SLC4A4: variants seen among roughly 807,000 people sequenced by gnomAD.
SLC4A4 encodes electrogenic sodium bicarbonate cotransporter 1.
SLC4A4 carries 27 observed loss-of-function variants against 111.5 expected under a neutral mutation model. The observed-to-expected ratio is 0.24, with a 90% CI of 0.18 to 0.33. SLC4A4 has a LOEUF of 0.33. Ranked by LOEUF, SLC4A4 falls within the 10% of genes least tolerant of loss-of-function variation. SLC4A4 has a pLI of 1.00. For synonymous variants in SLC4A4, 443 were observed against 463.4 expected (o/e 0.96, Z 0.57); for missense variants, 909 against 1,315.5 (o/e 0.69, Z 4.78).
chr4:71,440,052 T>G (rs972250569), intron 7 of SLC4A4, among the ~76,000 whole-genome samples: 5 of 152,068 alleles, frequency 3.3e-5, no homozygotes, highest in Non-Finnish European at 7.4e-5. Flanking sequence ...AGAATGTTCT[T>G]TCCTCCAATT....
intron 2 of SLC4A4, among the ~76,000 whole-genome samples, chr4:71,177,387 T>C (rs1192008977): frequency 2.0e-5 from 3 of 152,032 alleles, no homozygotes; most frequent in Non-Finnish European, 4.4e-5. Context: ...GACTGGCAAA[T>C]TGGATAAAGA....
intron 16 of SLC4A4, among the ~76,000 whole-genome samples, chr4:71,499,240 C>T (rs1730688311): frequency 6.6e-6 from 1 of 152,044 alleles, no homozygotes; most frequent in Non-Finnish European, 1.5e-5. Context: ...TTGTGAAGCA[C>T]TTATAAGTCA....
intron 2 of SLC4A4, among the ~76,000 whole-genome samples, chr4:71,174,218 GT>G (rs1273631048): frequency 6.7e-6 from 1 of 149,794 alleles, no homozygotes; most frequent in African/African-American, 2.5e-5. Context: ...AAAAGAGATT[GT>G]CCTCACTCAA....
intron 2 of SLC4A4, among the ~76,000 whole-genome samples, chr4:71,144,701 T>C (rs1256192287): frequency 6.6e-6 from 1 of 151,908 alleles, no homozygotes; most frequent in African/African-American, 2.4e-5. Flanking sequence ...TTTATTCTCT[T>C]TGAAGCAATT....
At chr4:71,362,415 T>C (rs560385290) in intron 6 of SLC4A4, among the ~76,000 whole-genome samples, 30 of 152,350 alleles carry the variant, frequency 2.0e-4, no homozygotes, top group African/African-American at 7.0e-4. Flanking sequence ...AAGAAATGTA[T>C]AAAATGTTTA....
intron 3 of SLC4A4, among the ~76,000 whole-genome samples, chr4:71,292,965 C>T (rs1374725121): frequency 1.3e-5 from 2 of 150,390 alleles, no homozygotes; most frequent in African/African-American, 2.4e-5. Flanking sequence ...CCTCAGCCTC[C>T]CAAGTAGCTG....
chr4:71,156,225 T>C (rs1744458719), intron 2 of SLC4A4, among the ~76,000 whole-genome samples: 1 of 152,216 alleles, frequency 6.6e-6, no homozygotes, highest in African/African-American at 2.4e-5. Context: ...ATACCCTGTA[T>C]TGCTCATGCA....
At chr4:71,212,560 C>T (rs1718196322) in intron 1 of SLC4A4, among the ~76,000 whole-genome samples, 1 of 152,134 alleles carries the variant, frequency 6.6e-6, no homozygotes, top group South Asian at 2.1e-4. Context: ...AGGACAGAGG[C>T]ACAATGGGGT....
chr4:71,099,619 C>T (rs1204701760), intron 2 of SLC4A4, among the ~76,000 whole-genome samples: 1 of 151,730 alleles, frequency 6.6e-6, no homozygotes, highest in African/African-American at 2.4e-5. Context: ...AATTGAGACA[C>T]AAAAAACCAT....
At chr4:71,305,752 A>G (rs1266215691) in intron 3 of SLC4A4, among the ~76,000 whole-genome samples, 1 of 152,232 alleles carries the variant, frequency 6.6e-6, no homozygotes, top group African/African-American at 2.4e-5. Context: ...CGAGGAATCT[A>G]GGAACTGGAA....
At chr4:71,550,630 G>A (rs1735905775) in intron 20 of SLC4A4, among the ~76,000 whole-genome samples, 1 of 151,770 alleles carries the variant, frequency 6.6e-6, no homozygotes, top group Admixed American at 6.6e-5. Flanking sequence ...GTCTTTGAAA[G>A]GGCAGATCAA....
chr4:71,245,387 T>TGTGG (rs1720580611), intron 2 of SLC4A4, among the ~76,000 whole-genome samples: 1 of 152,034 alleles, frequency 6.6e-6, no homozygotes, highest in South Asian at 2.1e-4. Context: ...AAGACAGAAG[T>TGTGG]GTGGGGGCTG....
intron 2 of SLC4A4, among the ~76,000 whole-genome samples, chr4:71,244,798 T>A (rs1720522171): frequency 6.7e-6 from 1 of 150,066 alleles, no homozygotes; most frequent in South Asian, 2.1e-4. Flanking sequence ...TTTAAGCCGA[T>A]CAAAATGGTA....
chr4:71,073,557 C>T (rs1741724679), intron 1 of SLC4A4, among the ~76,000 whole-genome samples: 1 of 152,108 alleles, frequency 6.6e-6, no homozygotes, highest in Admixed American at 6.5e-5. Flanking sequence ...ACAACCCCCA[C>T]CTCTCCACCT....
intron 2 of SLC4A4, among the ~76,000 whole-genome samples, chr4:71,154,914 G>GA (rs1578531406): frequency 6.6e-6 from 1 of 151,902 alleles, no homozygotes; most frequent in Non-Finnish European, 1.5e-5. Context: ...ATTTAAAAAT[G>GA]AAAAAAAGAA....
intron 1 of SLC4A4, among the ~76,000 whole-genome samples, chr4:71,075,705 C>T (rs1280328104): frequency 2.0e-5 from 3 of 152,256 alleles, no homozygotes; most frequent in Admixed American, 6.5e-5. Flanking sequence ...CGCGGTGGCT[C>T]ACGCCTGTAA....
intron 2 of SLC4A4, among the ~76,000 whole-genome samples, chr4:71,154,625 G>C (rs544330149): frequency 6.6e-6 from 1 of 152,210 alleles, no homozygotes; most frequent in East Asian, 1.9e-4. Flanking sequence ...GTTGGTGTTG[G>C]TTTAAAGTAA....
At chr4:71,171,685 A>C (rs774557652) in intron 2 of SLC4A4, among the ~76,000 whole-genome samples, 8 of 152,212 alleles carry the variant, frequency 5.3e-5, no homozygotes, top group Non-Finnish European at 1.5e-5. Context: ...GCAGTTTATT[A>C]GTACAGCACC....
chr4:71,435,395 T>C (rs1724036033), intron 7 of SLC4A4, among the ~76,000 whole-genome samples: 1 of 152,172 alleles, frequency 6.6e-6, no homozygotes, highest in Non-Finnish European at 1.5e-5. Context: ...TTACACCTTA[T>C]ACAAAAATTA....
Sources: gnomAD v4.1 joint callset for allele counts (sites outside exome capture counted in the v4.1 genomes callset) on GRCh38, gnomAD v4.1.1 for gene constraint, MANE v1.5 for transcripts, NCBI Gene and HGNC (gene_info 2026-07-23, HGNC 2026-07-21) for gene names.